The following MOCS1 variants were observed in gnomAD, a reference collection of about 807,000 sequenced individuals.
The protein encoded by MOCS1 is molybdenum cofactor biosynthesis protein 1.
Under a neutral mutation model 57.6 loss-of-function variants are expected in MOCS1, and 39 were observed. That is an observed-to-expected ratio of 0.68 (90% CI 0.52 to 0.88). The LOEUF is 0.88. Ranked by LOEUF, MOCS1 falls within the 40% of genes least tolerant of loss-of-function variation. The probability of loss-of-function intolerance (pLI) is 0.00; values close to 1 mark genes in which losing one functional copy is unlikely to be tolerated. For synonymous variants in MOCS1, 334 were observed against 335.7 expected (o/e 1.00, Z 0.05); for missense variants, 795 against 831.1 (o/e 0.96, Z 0.53).
chr6:39,918,391 G>A (rs1349323251), intron 3 of MOCS1, among the ~76,000 whole-genome samples: 1 of 152,242 alleles, frequency 6.6e-6, no homozygotes, highest in South Asian at 2.1e-4. Flanking sequence ...CAATCATGGT[G>A]TAAGAATAAA....
chr6:39,910,315 C>A (rs1188793165), intron 8 of MOCS1, among the ~76,000 whole-genome samples: 1 of 152,216 alleles, frequency 6.6e-6, no homozygotes, highest in Non-Finnish European at 1.5e-5. Context: ...TGGCCCCCAA[C>A]CAGTTGGAGC....
At chr6:39,927,577 A>T in intron 1 of MOCS1, 122 bp from the exon 2 acceptor site, 2 of 1,608,628 alleles carry the variant, frequency 1.2e-6, no homozygotes, top group Non-Finnish European at 1.7e-6. Flanking sequence ...ACTCTTCCAC[A>T]TGTTTGGGCT....
At chr6:39,926,510 G>T (rs1225662222) in intron 2 of MOCS1, among the ~76,000 whole-genome samples, 6 of 151,050 alleles carry the variant, frequency 4.0e-5, no homozygotes, top group Admixed American at 1.3e-4. Flanking sequence ...TAAGGTTTGG[G>T]TCAAGATCTG....
At chr6:39,924,645 A>T (rs1005865926) in intron 3 of MOCS1, among the ~76,000 whole-genome samples, 1 of 152,278 alleles carries the variant, frequency 6.6e-6, no homozygotes, top group Non-Finnish European at 1.5e-5. Flanking sequence ...CTGCCAAAGC[A>T]GCCATGGGCA....
chr6:39,908,630 C>T (rs77188590), intron 10 of MOCS1, among the ~76,000 whole-genome samples: 4,570 of 152,236 alleles, frequency 0.03, 104 homozygotes, highest in African/African-American at 0.046. Flanking sequence ...CACATCCACC[C>T]GTGGGGGCTC....
rs1432457557 is a variant in MOCS1 at position 39,905,636 on chromosome 6, TG to T, written c.*720del. ...TAAAGAGGGGTGGGTGGAACAGCCG[TG>T]AACAGGGCCAGGTGTGGGCTGTGTG... On this transcript the variant is annotated 3_prime_UTR_variant, in exon 11 of 11. Transcript: ENST00000340692. 6.4e-6 allele frequency: 3 copies of T among 471,204 alleles called. No homozygotes were observed. In the Admixed American group the frequency reaches 7.0e-5, roughly 11 times the overall value. 29.2% of individuals were successfully genotyped at this position (471,204 alleles called of 1,614,324 possible). A position where few individuals can be genotyped will look rare whatever the true frequency, so the allele number is the denominator to read the frequency against.
chr6:39,934,380 A>T lies in MOCS1; in HGVS notation c.38T>A (p.Leu13His). ...ARPLSRMLRRLLRSSARSCSS... is the reference protein window; with the variant it reads ...ARPLSRMLRRHLRSSARSCSS... Reference sequence around the variant, plus strand: ...GCAGCTCCGGGCGCTGGACCTCAGAAGCCGCCGCAGCATCCGGGACAGTGG... The same window carrying T: ...GCAGCTCCGGGCGCTGGACCTCAGATGCCGCCGCAGCATCCGGGACAGTGG... The change falls in exon 1 of 11, where the codon CTT becomes CAT. Residue 13 changes from leucine to histidine, a missense_variant. Physicochemically the swap from Leu to His is moderately conservative, Grantham distance 99 (BLOSUM62 -3). Around this residue, in one of 3 missense-constraint regions of MOCS1, gnomAD observed 416 missense variants for 392.4 expected, o/e 1.06. Transcript: ENST00000340692. The T allele has an allele frequency of 6.4e-7, 1 of 1,560,098 alleles. No homozygotes were observed. The highest frequency in any genetic ancestry group is 2.0e-4 in the Middle Eastern group (1 of 5,004).
intron 10 of MOCS1, 66 bp from the exon 11 acceptor site, chr6:39,907,183 C>T: frequency 6.8e-7 from 1 of 1,473,326 alleles, no homozygotes; most frequent in Non-Finnish European, 9.1e-7. Context: ...CCCACCTCTA[C>T]TCCCCAACCC....
At chr6:39,929,770 G>A (rs936960705) in intron 1 of MOCS1, among the ~76,000 whole-genome samples, 11 of 151,674 alleles carry the variant, frequency 7.3e-5, no homozygotes, top group African/African-American at 1.5e-4. Context: ...GCAAAACCCC[G>A]TCTCTACTAA....
chr6:39,927,979 G>C (rs970704636), intron 1 of MOCS1, among the ~76,000 whole-genome samples: 5 of 152,076 alleles, frequency 3.3e-5, no homozygotes, highest in African/African-American at 1.2e-4. Context: ...CCTGGGTCCC[G>C]ACAGATGCTG....
At chr6:39,933,624 C>G (rs1309573043) in intron 1 of MOCS1, among the ~76,000 whole-genome samples, 2 of 152,130 alleles carry the variant, frequency 1.3e-5, no homozygotes, top group Admixed American at 1.3e-4. Context: ...AAACCTAAAA[C>G]TTTTAATGAC....
Position 39,906,565 on chromosome 6 carries a change from A to G in MOCS1, c.1703T>C (p.Leu568Pro). 6.2e-7 allele frequency: 1 copy of G among 1,613,856 alleles called. No homozygotes were observed. Among genetic ancestry groups the G allele is most frequent in the Non-Finnish European group, 8.5e-7 (1 of 1,180,046 alleles). Residue 568 changes from leucine to proline, a missense_variant, in exon 11 of 11, where the codon CTG (leucine) becomes CCG (proline). Physicochemically the swap from Leu to Pro is moderately conservative, Grantham distance 98. This residue lies in a region of MOCS1 where 374 missense variants were observed against 422.6 expected (regional missense o/e 0.89). Coordinates refer to ENST00000340692, the MANE Select transcript of MOCS1 (RefSeq NM_001358530.2). ...ALSHIQVQLE[L>P]DSTRHAVKIQ... ...CTTCACGGCATGGCGTGTGCTGTCC[A>G]GCTCCAGCTGCACCTGGATGTGGCT...
intron 8 of MOCS1, among the ~76,000 whole-genome samples, chr6:39,910,689 C>T (rs554133832): frequency 6.6e-4 from 100 of 152,252 alleles, no homozygotes; most frequent in Non-Finnish European, 1.3e-3. Context: ...GGAGAAGATA[C>T]CAGTGAAATC....
chr6:39,909,103 C>T lies in MOCS1; in HGVS notation c.1103-1G>A. On this transcript the variant is annotated splice_acceptor_variant, in intron 9 of 10. Transcript: ENST00000340692. LOFTEE classifies it high-confidence loss of function. ...TTCATCTGGGAAATACTGAACATGC[C>T]TGGGGTGAGGGAAAGATGGGGAGGG... is the stretch of plus-strand genomic sequence containing the variant. The T allele has an allele frequency of 6.3e-7, 1 of 1,595,598 alleles. No homozygotes were observed. The highest frequency in any genetic ancestry group is 1.7e-5 in the Admixed American group (1 of 58,046).
chr6:39,920,543 TA>T (rs1052784991), intron 3 of MOCS1, among the ~76,000 whole-genome samples: 2 of 152,208 alleles, frequency 1.3e-5, no homozygotes, highest in Non-Finnish European at 2.9e-5. Context: ...TCACATAATG[TA>T]ACAGTAGACC....
At chr6:39,924,456 C>G (rs1768156803) in intron 3 of MOCS1, among the ~76,000 whole-genome samples, 1 of 152,202 alleles carries the variant, frequency 6.6e-6, no homozygotes, top group African/African-American at 2.4e-5. Context: ...ATTAAAGAAA[C>G]CAAACACACA....
At chr6:39,931,126 A>G (rs1768620503) in intron 1 of MOCS1, among the ~76,000 whole-genome samples, 1 of 152,016 alleles carries the variant, frequency 6.6e-6, no homozygotes, top group African/African-American at 2.4e-5. Flanking sequence ...AGGACCACCA[A>G]TACTGGTGTG....
Position 39,904,851 on chromosome 6 carries a change from T to C in MOCS1, c.*1506A>G. On this transcript the variant is annotated 3_prime_UTR_variant, in exon 11 of 11. Coordinates refer to ENST00000340692, the MANE Select transcript of MOCS1 (RefSeq NM_001358530.2). ...TATTGTAATACTAAAAAATATTAAATTCATACCATCCCTACCCAGTCTGCC... is the reference window on the plus strand; with the variant it reads ...TATTGTAATACTAAAAAATATTAAACTCATACCATCCCTACCCAGTCTGCC... The C allele has an allele frequency of 2.2e-6, 1 of 454,106 alleles. No individual in the cohort carries two copies. Among genetic ancestry groups the C allele is most frequent in the Non-Finnish European group, 4.4e-6 (1 of 226,794 alleles). The allele number at this position is 454,106 out of a possible 1,614,324, so 28.1% of individuals were successfully genotyped here. A position where few individuals can be genotyped will look rare whatever the true frequency, so the allele number is the denominator to read the frequency against.
chr6:39,916,842 A>G (rs1177252107), intron 3 of MOCS1, among the ~76,000 whole-genome samples: 1 of 152,246 alleles, frequency 6.6e-6, no homozygotes, highest in Non-Finnish European at 1.5e-5. Context: ...GACCAGACGG[A>G]TAGAGACCAC....
Sources: allele counts gnomAD v4.1 joint callset (sites outside exome capture counted in the v4.1 genomes callset), GRCh38; gene constraint gnomAD v4.1.1; regional missense constraint gnomAD v4.1.1; transcripts MANE v1.5; gene names NCBI Gene and HGNC (gene_info 2026-07-23, HGNC 2026-07-21).